The following CNGB1 variants were observed in gnomAD, a reference collection of about 807,000 sequenced individuals.
CNGB1 encodes the protein cyclic nucleotide gated channel subunit beta 1.
Under a neutral mutation model 151.7 loss-of-function variants are expected in CNGB1, and 126 were observed. The ratio of observed to expected loss-of-function variants is 0.83; its 90% CI spans 0.72 to 0.96. CNGB1 has a LOEUF of 0.96. Among genes scored for constraint, CNGB1 ranks in the 40% least tolerant of loss-of-function variants. The pLI is 0.00. For synonymous variants in CNGB1, 623 were observed against 635.1 expected, an observed-to-expected ratio of 0.98 and a Z score of 0.29; for missense variants, 1,698 against 1,627.0, an observed-to-expected ratio of 1.04 and a Z score of -0.75.
At chr16:57,898,292 G>A in intron 29 of CNGB1, among the ~76,000 whole-genome samples, 1 of 152,134 alleles carries the variant, frequency 6.6e-6, no homozygotes, top group South Asian at 2.1e-4. Flanking sequence ...ACCATCAAAT[G>A]ATGTCTACAC....
chr16:57,895,640 C>T (rs1960203947), intron 31 of CNGB1, among the ~76,000 whole-genome samples: 1 of 151,684 alleles, frequency 6.6e-6, no homozygotes. Flanking sequence ...CCTAGTAGCA[C>T]TCCAGTAGCA....
chr16:57,904,861 T>G lies in CNGB1; in HGVS notation c.2507A>C (p.Tyr836Ser). Reference sequence around the variant, plus strand: ...GATGAGGGTCTTCACAGCAAAGTAGTAACAGCGAATATAACTGGAGAGAGA... The same window carrying G: ...GATGAGGGTCTTCACAGCAAAGTAGGAACAGCGAATATAACTGGAGAGAGA... ...DGVGNSYIRCYYFAVKTLITI... is the reference protein window; with the variant it reads ...DGVGNSYIRCSYFAVKTLITI... Residue 836 changes from tyrosine (Y) to serine (S), a missense_variant, in exon 26 of 33, where the codon TAC becomes TCC. Transcript: ENST00000251102. 6.2e-7 allele frequency: 1 copy of G among 1,614,094 alleles called. No homozygotes were observed. The highest frequency in any genetic ancestry group is 8.5e-7 in the Non-Finnish European group (1 of 1,180,014).
chr16:57,923,880 T>C (rs1567379941), intron 17 of CNGB1, among the ~76,000 whole-genome samples: 1 of 152,144 alleles, frequency 6.6e-6, no homozygotes, highest in Non-Finnish European at 1.5e-5. Context: ...GAATCCAGTC[T>C]CCGCCTTACG....
intron 17 of CNGB1, among the ~76,000 whole-genome samples, chr16:57,931,313 T>C (rs1266350614): frequency 6.6e-6 from 1 of 151,942 alleles, no homozygotes; most frequent in Non-Finnish European, 1.5e-5. Context: ...CCACTATGCC[T>C]AGCTAATTTT....
chr16:57,887,814 T>C, intron 32 of CNGB1, 41 bp downstream of exon 32: 1 of 1,593,206 alleles, frequency 6.3e-7, no homozygotes, highest in Non-Finnish European at 8.6e-7. Context: ...CCCTGACACA[T>C]ATTGAAATGA....
At position 57,920,090 on chromosome 16, in the gene CNGB1, G is replaced by A. The variant is rs1960986583; in HGVS notation, c.1801+297C>T. On this transcript the variant is annotated intron_variant, in intron 19 of 32. Coordinates refer to ENST00000251102, the MANE Select transcript of CNGB1 (RefSeq NM_001297.5). ...AGTGTAAGACCATAAGATACATTTTGGGGTGGCACCACTCACCTACCAGTA... is the reference window on the plus strand; with the variant it reads ...AGTGTAAGACCATAAGATACATTTTAGGGTGGCACCACTCACCTACCAGTA... 2.0e-5 allele frequency among the ~76,000 whole-genome samples: 3 copies of A among 152,176 alleles called. No individual in the cohort carries two copies. In the South Asian group the frequency reaches 6.2e-4, roughly 32 times the overall value.
At chr16:57,945,699 C>T (rs1259059136) in intron 14 of CNGB1, among the ~76,000 whole-genome samples, 1 of 152,242 alleles carries the variant, frequency 6.6e-6, no homozygotes, top group Non-Finnish European at 1.5e-5. Context: ...TCTACGCTTA[C>T]TGGCAGGGCT....
chr16:57,929,535 C>T (rs1961289169), intron 17 of CNGB1, among the ~76,000 whole-genome samples: 1 of 151,836 alleles, frequency 6.6e-6, no homozygotes, highest in African/African-American at 2.4e-5. Flanking sequence ...AATTGACTCA[C>T]AGTACCACAG....
At position 57,904,886 on chromosome 16, in the gene CNGB1, A is replaced by AG; in HGVS notation, c.2493-12dup. On this transcript the variant is annotated splice_polypyrimidine_tract_variant and intron_variant, in intron 25 of 32. Coordinates refer to ENST00000251102, the MANE Select transcript of CNGB1 (RefSeq NM_001297.5). ...TAACAGCGAATATAACTGGAGAGAG[A>AG]GGAGAAAGGGAACATGGGTCATCAC... 1.2e-6 allele frequency: 2 copies of AG among 1,614,134 alleles called. No individual in the cohort carries two copies. Among genetic ancestry groups the AG allele is most frequent in the Non-Finnish European group, 8.5e-7 (1 of 1,180,034 alleles).
chr16:57,913,302 T>C (rs1262925032), intron 23 of CNGB1, among the ~76,000 whole-genome samples: 1 of 152,212 alleles, frequency 6.6e-6, no homozygotes, highest in Non-Finnish European at 1.5e-5. Flanking sequence ...TAGGGGTACA[T>C]GCATCCAGGT....
In CNGB1 at chr16:57,955,067, C is replaced by T. The variant is rs1205575049; in HGVS notation, c.874+2274G>A. The T allele has an allele frequency of 3.0e-6, 4 of 1,336,398 alleles. No homozygotes were observed. The African/African-American group carries it at 4.4e-5, about 15-fold the overall frequency. 82.8% of individuals were successfully genotyped at this position (1,336,398 alleles called of 1,614,324 possible). ...CCCGGCTATGGGCCTTTTCCACAGC[C>T]CTCTGGGGGTAAGTCCTGCTGTCTA... On this transcript the variant is annotated intron_variant, in intron 12 of 32. Coordinates refer to ENST00000251102, the MANE Select transcript of CNGB1 (RefSeq NM_001297.5).
intron 14 of CNGB1, among the ~76,000 whole-genome samples, chr16:57,948,045 A>G (rs1287039257): frequency 2.0e-5 from 3 of 152,112 alleles, no homozygotes; most frequent in Non-Finnish European, 2.9e-5. Flanking sequence ...GGTCAGGGAG[A>G]AAGGACGCGG....
chr16:57,907,658 C>T (rs1276017071), intron 25 of CNGB1, among the ~76,000 whole-genome samples: 1 of 152,222 alleles, frequency 6.6e-6, no homozygotes, highest in Non-Finnish European at 1.5e-5. Context: ...GCATTCTCCC[C>T]TTTGCATAGA....
At chr16:57,903,233 T>G (rs1313062383) in intron 27 of CNGB1, among the ~76,000 whole-genome samples, 3 of 147,248 alleles carry the variant, frequency 2.0e-5, no homozygotes, top group African/African-American at 7.5e-5. Context: ...GCCTCACACC[T>G]GTAATCCCAG....
chr16:57,910,555 T>G (rs377195), intron 25 of CNGB1, among the ~76,000 whole-genome samples: 84,517 of 151,704 alleles, frequency 0.56, 23,806 homozygotes, highest in African/African-American at 0.65. Context: ...TGTATTTTTA[T>G]TACAGATGGG....
chr16:57,889,918 G>A (rs1312759678), intron 31 of CNGB1, among the ~76,000 whole-genome samples: 1 of 152,170 alleles, frequency 6.6e-6, no homozygotes, highest in Admixed American at 6.6e-5. Context: ...GACAGTTGGG[G>A]AAATTGAGGC....
At chr16:57,964,801 G>C (rs1182508035) in intron 2 of CNGB1, among the ~76,000 whole-genome samples, 1 of 152,192 alleles carries the variant, frequency 6.6e-6, no homozygotes, top group Non-Finnish European at 1.5e-5. Context: ...AAGCCTCCCA[G>C]GCCTACAACA....
At chr16:57,935,825 G>A (rs921036849) in intron 16 of CNGB1, among the ~76,000 whole-genome samples, 1 of 151,774 alleles carries the variant, frequency 6.6e-6, no homozygotes, top group African/African-American at 2.4e-5. Context: ...TAGATTCAAG[G>A]CTTGCCTACC....
At chr16:57,962,040 C>A (rs547134330) in intron 7 of CNGB1, among the ~76,000 whole-genome samples, 53 of 152,300 alleles carry the variant, frequency 3.5e-4, no homozygotes, top group South Asian at 1.0e-3. Flanking sequence ...CCACACAGGG[C>A]CTAAACGCCA....
Sources: gnomAD v4.1 joint callset for allele counts (sites outside exome capture counted in the v4.1 genomes callset) on GRCh38, gnomAD v4.1.1 for gene constraint, MANE v1.5 for transcripts, NCBI Gene and HGNC (gene_info 2026-07-23, HGNC 2026-07-21) for gene names.